PSD3: variants seen among roughly 807,000 people sequenced by gnomAD.
The protein encoded by PSD3 is PH and SEC7 domain-containing protein 3.
Under a neutral mutation model 105.5 loss-of-function variants are expected in PSD3, and 49 were observed. The observed-to-expected ratio is 0.46, with a 90% CI of 0.37 to 0.59. The LOEUF is 0.59. PSD3 is among the 20% of genes least tolerant of loss of function. The probability of loss-of-function intolerance (pLI) is 0.00; values close to 1 mark genes in which losing one functional copy is unlikely to be tolerated. For synonymous variants in PSD3, 557 were observed against 457.8 expected (o/e 1.22, Z -2.77); for missense variants, 1,561 against 1,263.8 (o/e 1.24, Z -3.57).
At chr8:18,698,276 T>C (rs1801374881) in intron 9 of PSD3, among the ~76,000 whole-genome samples, 1 of 152,160 alleles carries the variant, frequency 6.6e-6, no homozygotes, top group African/African-American at 2.4e-5. Context: ...TTTTAACATT[T>C]TTTAATTTTT....
intron 9 of PSD3, among the ~76,000 whole-genome samples, chr8:18,698,701 C>G (rs1380869880): frequency 6.6e-6 from 1 of 152,096 alleles, no homozygotes; most frequent in Non-Finnish European, 1.5e-5. Flanking sequence ...GTAGCAATAG[C>G]AAACAGATAT....
At chr8:18,933,956 C>G (rs955322347) in intron 2 of PSD3, among the ~76,000 whole-genome samples, 3 of 152,152 alleles carry the variant, frequency 2.0e-5, no homozygotes, top group African/African-American at 2.4e-5. Flanking sequence ...ACACATTCTC[C>G]TCTAAATTAG....
chr8:18,559,880 C>T (rs942272098), intron 14 of PSD3, among the ~76,000 whole-genome samples: 3 of 152,104 alleles, frequency 2.0e-5, no homozygotes, highest in Non-Finnish European at 2.9e-5. Context: ...AGCTATGGTA[C>T]GTAAATCTGT....
intron 1 of PSD3, among the ~76,000 whole-genome samples, chr8:19,060,208 T>C (rs1321712257): frequency 6.6e-6 from 1 of 152,180 alleles, no homozygotes; most frequent in African/African-American, 2.4e-5. Flanking sequence ...ATTATGTGGA[T>C]TCAGGTGACT....
intron 9 of PSD3, among the ~76,000 whole-genome samples, chr8:18,743,229 G>A (rs1303294665): frequency 6.6e-6 from 1 of 152,096 alleles, no homozygotes; most frequent in Admixed American, 6.6e-5. Flanking sequence ...ATATGTACAA[G>A]GGACAATCAC....
At chr8:18,972,795 A>C (rs939127083) in intron 1 of PSD3, among the ~76,000 whole-genome samples, 56 of 152,234 alleles carry the variant, frequency 3.7e-4, no homozygotes, top group African/African-American at 1.3e-3. Context: ...GGACTGTGAG[A>C]CACAAATGTT....
chr8:18,733,509 C>T (rs1284655481), intron 9 of PSD3: 2 of 152,618 alleles, frequency 1.3e-5, no homozygotes, highest in Admixed American at 6.5e-5. Context: ...ATGACCTTTG[C>T]CAAAAAGTGG....
intron 2 of PSD3, among the ~76,000 whole-genome samples, chr8:18,886,419 C>G (rs773598229): frequency 2.6e-5 from 4 of 152,136 alleles, no homozygotes; most frequent in Non-Finnish European, 5.9e-5. Flanking sequence ...GCAAAATGCT[C>G]TCCTCTATGT....
chr8:18,977,285 G>C (rs1044794201), intron 1 of PSD3, among the ~76,000 whole-genome samples: 3 of 140,746 alleles, frequency 2.1e-5, no homozygotes, highest in Admixed American at 7.1e-5. Flanking sequence ...AAAAAATTGG[G>C]TTCTTGAGCC....
At chr8:18,863,924 G>C (rs995270425) in intron 4 of PSD3, among the ~76,000 whole-genome samples, 1 of 152,212 alleles carries the variant, frequency 6.6e-6, no homozygotes, top group African/African-American at 2.4e-5. Context: ...AAGGAACTAA[G>C]TGCTACAACA....
intron 11 of PSD3, among the ~76,000 whole-genome samples, chr8:18,625,090 C>T (rs1017917222): frequency 2.6e-5 from 4 of 151,940 alleles, no homozygotes; most frequent in Admixed American, 2.6e-4. Context: ...AAGTTACTGT[C>T]CCACATGTTC....
At chr8:18,861,705 T>C (rs1024293156) in intron 4 of PSD3, among the ~76,000 whole-genome samples, 1 of 152,180 alleles carries the variant, frequency 6.6e-6, no homozygotes, top group Non-Finnish European at 1.5e-5. Flanking sequence ...CTATTTCTTA[T>C]CTATTTTCTT....
chr8:18,846,918 A>G (rs552570741), intron 4 of PSD3, among the ~76,000 whole-genome samples: 1 of 152,288 alleles, frequency 6.6e-6, no homozygotes, highest in Admixed American at 6.5e-5. Flanking sequence ...ACACAGCCAA[A>G]GACAGAGCTC....
intron 1 of PSD3, among the ~76,000 whole-genome samples, chr8:19,037,969 T>C (rs898711713): frequency 2.0e-5 from 3 of 149,666 alleles, no homozygotes; most frequent in Non-Finnish European, 4.4e-5. Context: ...TATATATATA[T>C]AATTTTAGGA....
chr8:18,792,274 A>G (rs1041726666), intron 8 of PSD3, among the ~76,000 whole-genome samples: 1 of 152,210 alleles, frequency 6.6e-6, no homozygotes, highest in Non-Finnish European at 1.5e-5. Flanking sequence ...GCATATGTTA[A>G]TTGCAGCACT....
chr8:18,575,458 GT>G (rs1212638062), intron 12 of PSD3, among the ~76,000 whole-genome samples, 173 bp from the exon 13 acceptor site: 1 of 152,152 alleles, frequency 6.6e-6, no homozygotes, highest in Non-Finnish European at 1.5e-5. Context: ...ACATTATGTT[GT>G]TTGAAAAATT....
At chr8:18,897,586 T>C (rs1289388237) in intron 2 of PSD3, among the ~76,000 whole-genome samples, 4 of 152,192 alleles carry the variant, frequency 2.6e-5, no homozygotes, top group Non-Finnish European at 2.9e-5. Context: ...AGTATACTGC[T>C]TTTTGTAGTA....
chr8:18,850,919 C>A (rs980179964), intron 4 of PSD3, among the ~76,000 whole-genome samples: 1 of 152,136 alleles, frequency 6.6e-6, no homozygotes, highest in Admixed American at 6.5e-5. Flanking sequence ...TATTGCCCCC[C>A]CTCCCTTCTG....
rs548020593 is a variant in PSD3 at position 18,726,525 on chromosome 8, T to C, written c.2172+38924A>G. On this transcript the variant is annotated intron_variant, in intron 9 of 15. Transcript: ENST00000327040. ...TAGAGGTTTAAATAAACTACAGGAT[T>C]ATCTGCTACCTAGAACTAGGCCCAA... 5.6e-4 allele frequency among the ~76,000 whole-genome samples: 85 copies of C among 152,366 alleles called. 1 individual carries two copies. Among genetic ancestry groups the C allele is most frequent in the African/African-American group, 1.9e-3 (77 of 41,592 alleles).
Sources: allele counts gnomAD v4.1 joint callset (sites outside exome capture counted in the v4.1 genomes callset), GRCh38; gene constraint gnomAD v4.1.1; transcripts MANE v1.5; gene names NCBI Gene and HGNC (gene_info 2026-07-23, HGNC 2026-07-21).